Variants in NMB observed in about 807,000 individuals in gnomAD.
The protein encoded by NMB is neuromedin-B.
In NMB, 12 loss-of-function variants were observed where a neutral mutation model predicts 11.7. The observed-to-expected ratio is 1.03, with a 90% CI of 0.66 to 1.66. NMB has a LOEUF of 1.66. Ranked by LOEUF, NMB falls within the 40% of genes most tolerant of loss-of-function variation. NMB has a pLI of 0.00. For missense variants in NMB, 174 were observed against 157.9 expected (o/e 1.10, Z -0.55); for synonymous variants, 76 against 72.6 (o/e 1.05, Z -0.24).
chr15:84,655,635 G>A (rs1896768073), intron 2 of NMB, among the ~76,000 whole-genome samples: 1 of 152,148 alleles, frequency 6.6e-6, no homozygotes, highest in Non-Finnish European at 1.5e-5. Context: ...AAAGAAGATC[G>A]TGGAAGAAAA....
rs777014429 is a variant in NMB, at chr15:84,655,425, C to T, written c.331-16G>A. 1.9e-6 allele frequency: 3 copies of T among 1,613,444 alleles called. No homozygotes were observed. The highest frequency in any genetic ancestry group is 2.2e-5 in the South Asian group (2 of 91,048). ...GCCTCCTGTACTGAAGAGAAACATA[C>T]AGAAGAATTGAGCCAGGGAGGGGCT... On this transcript the variant is annotated splice_polypyrimidine_tract_variant and intron_variant, in intron 2 of 2. Coordinates refer to ENST00000360476, the MANE Select transcript of NMB (RefSeq NM_021077.4).
In NMB at chr15:84,658,137, C is replaced by G. The variant is rs367951932; in HGVS notation, c.16G>C (p.Gly6Arg). ...AGGCTGCCGAACATCCGAGCGCCCC[C>G]CGCCCGCCGGGCCATGGCTGTGCCC... MARRA[G>R]GARMFGSLLL... Residue 6 changes from glycine to arginine, a missense_variant, in exon 1 of 3, where the codon GGG (glycine) becomes CGG (arginine). Gly to Arg is a moderately radical substitution (Grantham distance 125). Transcript: ENST00000360476. The G allele has an allele frequency of 1.5e-4, 232 of 1,510,934 alleles. 3 individuals are homozygous for G. In the East Asian group the frequency reaches 4.3e-3, roughly 28 times the overall value. The allele number at this position is 1,510,934 out of a possible 1,614,324, so 93.6% of individuals were successfully genotyped here.
At position 84,655,325 on chromosome 15, in the gene NMB, G is replaced by T. The variant is rs1896760427; in HGVS notation, c.*49C>A. On this transcript the variant is annotated 3_prime_UTR_variant, in exon 3 of 3. Coordinates refer to ENST00000360476, the MANE Select transcript of NMB (RefSeq NM_021077.4). ...CAGGGTCCCATTCAGCACCTTCCCT[G>T]GGTGGGCACAATCTAAGCCACGCTG... 1 of 1,613,990 alleles carries T rather than the reference G, an allele frequency of 6.2e-7. No homozygotes were observed. Among genetic ancestry groups the T allele is most frequent in the Non-Finnish European group, 8.5e-7 (1 of 1,179,976 alleles).
chr15:84,657,387 C>T, intron 1 of NMB, 39 bp from the exon 2 acceptor site: 1 of 1,435,386 alleles, frequency 7.0e-7, no homozygotes, highest in Non-Finnish European at 9.2e-7. Context: ...AGTCAAGCAG[C>T]CAGGATCCTA....
At chr15:84,657,054 C>A in intron 2 of NMB, 122 bp downstream of exon 2, 1 of 880,914 alleles carries the variant, frequency 1.1e-6, no homozygotes. Flanking sequence ...GGGTCCACAC[C>A]CATAATGTCC....
rs1896810337 is a variant in NMB, at chr15:84,658,111, G to A, written c.42C>T (p.Leu14=). The part of the protein sequence containing the change: ...RAGGARMFGS[L]LLFALLAAGV... ...CGGCAGCGAGCAGGGCGAAGAGCAG[G>A]AGGCTGCCGAACATCCGAGCGCCCC... The change falls in exon 1 of 3, where the codon CTC becomes CTT. Residue 14 remains leucine (L), a synonymous_variant. Transcript: ENST00000360476. 3 of 1,555,044 alleles carry A rather than the reference G, an allele frequency of 1.9e-6. No individual in the cohort carries two copies. Among genetic ancestry groups the A allele is most frequent in the Non-Finnish European group, 1.7e-6 (2 of 1,158,854 alleles).
Position 84,655,157 on chromosome 15 carries a change from C to T in NMB, c.*217G>A. On this transcript the variant is annotated 3_prime_UTR_variant, in exon 3 of 3. Coordinates refer to ENST00000360476, the MANE Select transcript of NMB (RefSeq NM_021077.4). ...TATGTAAAGAGCAAGGTTTTATTCACCAATTCAACAGGGAAGCAGGAAATA... is the reference window on the plus strand; with the variant it reads ...TATGTAAAGAGCAAGGTTTTATTCATCAATTCAACAGGGAAGCAGGAAATA... The T allele has an allele frequency of 1.6e-6, 2 of 1,283,366 alleles. No individual in the cohort carries two copies. Among genetic ancestry groups the T allele is most frequent in the South Asian group, 2.9e-5 (2 of 69,812 alleles). The allele number at this position is 1,283,366 out of a possible 1,614,324, so 79.5% of individuals were successfully genotyped here.
rs2141854356 is a variant in NMB, at chr15:84,658,179, CG to C, written c.-28del. 7.0e-7 allele frequency: 1 copy of C among 1,430,186 alleles called. No individual in the cohort carries two copies. The highest frequency in any genetic ancestry group is 9.0e-7 in the Non-Finnish European group (1 of 1,106,290). The allele number at this position is 1,430,186 out of a possible 1,614,324, so 88.6% of individuals were successfully genotyped here. On this transcript the variant is annotated 5_prime_UTR_variant, in exon 1 of 3. Transcript: ENST00000360476. ...GCTGTGCCCGGGCCGCGGCTTCGTTCGGGCGCGCTTCCCGGCCGCTGGGCTC... is the reference window on the plus strand; with the variant it reads ...GCTGTGCCCGGGCCGCGGCTTCGTTCGGCGCGCTTCCCGGCCGCTGGGCTC...
chr15:84,657,097 G>T, intron 2 of NMB, 79 bp downstream of exon 2: 1 of 1,338,960 alleles, frequency 7.5e-7, no homozygotes, highest in East Asian at 2.4e-5. Context: ...TACAGTACTG[G>T]GTGGTAATTC....
In NMB at chr15:84,658,102, G is replaced by A. The variant is rs767400029; in HGVS notation, c.51C>T (p.Phe17=). Residue 17 remains phenylalanine (F), a synonymous_variant, in exon 1 of 3, where the codon TTC becomes TTT. Transcript: ENST00000360476. ...GARMFGSLLL[F]ALLAAGVAPL... is the part of the protein sequence containing the mutation. ...GGGCGACGCCGGCAGCGAGCAGGGC[G>A]AAGAGCAGGAGGCTGCCGAACATCC... 1.9e-6 allele frequency: 3 copies of A among 1,570,456 alleles called. No individual in the cohort carries two copies. Among genetic ancestry groups the A allele is most frequent in the African/African-American group, 2.8e-5 (2 of 71,822 alleles).
At position 84,658,193 on chromosome 15, in the gene NMB, G is replaced by A; in HGVS notation, c.-41C>T. ...GCGGCTTCGTTCGGGCGCGCTTCCCGGCCGCTGGGCTCCGGGGCTGCCTTC... is the reference window on the plus strand; with the variant it reads ...GCGGCTTCGTTCGGGCGCGCTTCCCAGCCGCTGGGCTCCGGGGCTGCCTTC... On this transcript the variant is annotated 5_prime_UTR_variant, in exon 1 of 3. Transcript: ENST00000360476. 1 of 1,416,698 alleles carries A rather than the reference G, an allele frequency of 7.1e-7. No individual in the cohort carries two copies. The highest frequency in any genetic ancestry group is 1.5e-5 in the South Asian group (1 of 66,794). 87.8% of individuals were successfully genotyped at this position (1,416,698 alleles called of 1,614,324 possible).
At chr15:84,655,523 C>T (rs1896765354) in intron 2 of NMB, 114 bp from the exon 3 acceptor site, 5 of 1,357,574 alleles carry the variant, frequency 3.7e-6, no homozygotes, top group South Asian at 1.2e-5. Flanking sequence ...AGCAGGCTGT[C>T]AGCTGAGGCA....
chr15:84,657,282 G>C lies in NMB; in HGVS notation c.224C>G (p.Thr75Ser). The C allele has an allele frequency of 6.2e-7, 1 of 1,603,892 alleles. No homozygotes were observed. The highest frequency in any genetic ancestry group is 1.3e-5 in the African/African-American group (1 of 74,814). The change falls in exon 2 of 3, where the codon ACC becomes AGC. Residue 75 changes from threonine (T) to serine (S), a missense_variant. By Grantham distance (58) the Thr-to-Ser change is moderately conservative. Transcript: ENST00000360476. ...CTGCAGTCGCTGGTCCCTCAGGGAGGTGTGGGGAGCTGTCCCCAATGGGGA... is the reference window on the plus strand; with the variant it reads ...CTGCAGTCGCTGGTCCCTCAGGGAGCTGTGGGGAGCTGTCCCCAATGGGGA... ...SPSPLGTAPH[T>S]SLRDQRLQLS...
At chr15:84,655,925 T>C (rs1174822948) in intron 2 of NMB, among the ~76,000 whole-genome samples, 1 of 152,110 alleles carries the variant, frequency 6.6e-6, no homozygotes, top group Non-Finnish European at 1.5e-5. Context: ...TGAGGCTGGG[T>C]TGGACCTTTT....
rs1896761310 is a variant in NMB, at chr15:84,655,357, C to T, written c.*17G>A. 2 of 1,614,222 alleles carry T rather than the reference C, an allele frequency of 1.2e-6. No individual in the cohort carries two copies. Among genetic ancestry groups the T allele is most frequent in the East Asian group, 4.5e-5 (2 of 44,890 alleles). ...CACAATCTAAGCCACGCTGTTGTGT[C>T]TGCCCCATTATTGGTGTCATTTCTG... On this transcript the variant is annotated 3_prime_UTR_variant, in exon 3 of 3. Transcript: ENST00000360476.
chr15:84,657,996 C>T lies in NMB; in HGVS notation c.157G>A (p.Gly53Ser), dbSNP rs1052071793. 4 of 1,590,952 alleles carry T rather than the reference C, an allele frequency of 2.5e-6. No individual in the cohort carries two copies. Among genetic ancestry groups the T allele is most frequent in the Non-Finnish European group, 3.4e-6 (4 of 1,170,146 alleles). Residue 53 changes from glycine (G) to serine (S), a missense_variant and splice_region_variant, in exon 1 of 3, where the codon GGT (glycine) becomes AGT (serine). This residue lies in a region of NMB where 168 missense variants were observed against 138.4 expected (regional missense o/e 1.21). Transcript: ENST00000360476. ...GCTTGCTCCGTCCCCAAAGACTTAC[C>T]GGTGGCCCAGAGGTTGCCTCGCGAG... ...VHSRGNLWATGHFMGKKSLEP... is the reference protein window; with the variant it reads ...VHSRGNLWATSHFMGKKSLEP...
chr15:84,657,145 C>T lies in NMB; in HGVS notation c.330+31G>A, dbSNP rs573574324. 79 of 1,597,090 alleles carry T rather than the reference C, an allele frequency of 4.9e-5. No homozygotes were observed. In the East Asian group the frequency reaches 1.6e-3, roughly 33 times the overall value. On this transcript the variant is annotated intron_variant, in intron 2 of 2. Transcript: ENST00000360476. ...ATCCGGGGATGGCCCCAGCTGGGCC[C>T]TCCTGACATTGGAGCAGGGGCCCGG...
Position 84,657,247 on chromosome 15 carries a change from C to A in NMB, c.259G>T (p.Asp87Tyr). The A allele has an allele frequency of 6.2e-7, 1 of 1,610,466 alleles. No homozygotes were observed. Among genetic ancestry groups the A allele is most frequent in the Non-Finnish European group, 8.5e-7 (1 of 1,178,536 alleles). Residue 87 changes from aspartate to tyrosine, a missense_variant, in exon 2 of 3, where the codon GAT becomes TAT. By Grantham distance (160) the Asp-to-Tyr change is radical. This residue lies in a region of NMB where 168 missense variants were observed against 138.4 expected (regional missense o/e 1.21). Coordinates refer to ENST00000360476, the MANE Select transcript of NMB (RefSeq NM_021077.4). ...TTTAGCAGGAGGATTCCGAGCAGAT[C>A]ATGACTCAGCTGCAGTCGCTGGTCC... ...LRDQRLQLSH[D>Y]LLGILLLKKA...
In NMB at chr15:84,656,314, G is replaced by A. The variant is rs150468841; in HGVS notation, c.330+862C>T. On this transcript the variant is annotated intron_variant, in intron 2 of 2. Transcript: ENST00000360476. ...GCAGGACCAGGGAGGGTGGTGTGCA[G>A]TAAGGACAGCACCAGGAGCAGGGAA... 3.2e-3 allele frequency among the ~76,000 whole-genome samples: 484 copies of A among 152,166 alleles called. 5 individuals carry two copies. Among genetic ancestry groups the A allele is most frequent in the African/African-American group, 0.011 (472 of 41,488 alleles).
Sources: gnomAD v4.1 joint callset for allele counts (sites outside exome capture counted in the v4.1 genomes callset) on GRCh38, gnomAD v4.1.1 for gene constraint, gnomAD v4.1.1 regional missense constraint, MANE v1.5 for transcripts, NCBI Gene and HGNC (gene_info 2026-07-23, HGNC 2026-07-21) for gene names.